Variants in GRM1 observed in about 807,000 individuals in gnomAD.
The protein encoded by GRM1 is glutamate metabotropic receptor 1.
A neutral mutation model predicts 90.9 loss-of-function variants in GRM1; 33 were observed. The ratio of observed to expected loss-of-function variants is 0.36; its 90% confidence interval spans 0.28 to 0.49. The LOEUF (loss-of-function observed/expected upper bound fraction) is 0.49, where lower values mean the gene tolerates loss of function less well. GRM1 is among the 20% of genes least tolerant of loss of function. The pLI, the probability that GRM1 is intolerant of heterozygous loss-of-function variation, is 0.99. For missense variants in GRM1, 1,190 were observed against 1,534.3 expected, an observed-to-expected ratio of 0.78 and a Z score of 3.75; for synonymous variants, 700 against 613.2, an observed-to-expected ratio of 1.14 and a Z score of -2.09.
At chr6:146,226,036 GA>G (rs1460259531) in intron 2 of GRM1, among the ~76,000 whole-genome samples, 2 of 152,076 alleles carry the variant, frequency 1.3e-5, no homozygotes, top group African/African-American at 4.8e-5. Context: ...AGATGAGTGT[GA>G]AAGAATGACT....
At chr6:146,222,148 T>G (rs1780083803) in intron 2 of GRM1, among the ~76,000 whole-genome samples, 1 of 152,178 alleles carries the variant, frequency 6.6e-6, no homozygotes, top group Admixed American at 6.6e-5. Flanking sequence ...AATGGCTGAA[T>G]GCAAAGGTAC....
intron 1 of GRM1, among the ~76,000 whole-genome samples, chr6:146,030,863 A>G (rs1246414234): frequency 1.3e-5 from 2 of 152,216 alleles, no homozygotes; most frequent in Non-Finnish European, 2.9e-5. Context: ...ATAGGCTAAA[A>G]TCATCCAGAT....
At chr6:146,043,136 A>C (rs534016332) in intron 1 of GRM1, among the ~76,000 whole-genome samples, 1 of 152,086 alleles carries the variant, frequency 6.6e-6, no homozygotes, top group African/African-American at 2.4e-5. Context: ...TCTAAAAAAA[A>C]AATTAAAAAA....
At chr6:146,392,469 C>G (rs1776762263) in intron 6 of GRM1, among the ~76,000 whole-genome samples, 3 of 152,154 alleles carry the variant, frequency 2.0e-5, no homozygotes, top group Admixed American at 2.0e-4. Context: ...AATATCTAAA[C>G]TCATGCAATC....
chr6:146,297,677 C>T (rs1372802866), intron 2 of GRM1, among the ~76,000 whole-genome samples: 1 of 152,098 alleles, frequency 6.6e-6, no homozygotes. Context: ...AGTTACTAAA[C>T]CATTGGATTC....
chr6:146,251,072 A>C (rs1350496597), intron 2 of GRM1, among the ~76,000 whole-genome samples: 1 of 152,214 alleles, frequency 6.6e-6, no homozygotes, highest in Admixed American at 6.5e-5. Flanking sequence ...AGGCTTACAC[A>C]TAAGGTCCTT....
At chr6:146,222,171 GT>G (rs1442940059) in intron 2 of GRM1, among the ~76,000 whole-genome samples, 1 of 152,100 alleles carries the variant, frequency 6.6e-6, no homozygotes, top group African/African-American at 2.4e-5. Context: ...TAAGTATTAT[GT>G]ACAATTGTAA....
At chr6:146,271,553 G>A (rs1453090923) in intron 2 of GRM1, among the ~76,000 whole-genome samples, 1 of 152,176 alleles carries the variant, frequency 6.6e-6, no homozygotes, top group Non-Finnish European at 1.5e-5. Flanking sequence ...CTGAGAGGTA[G>A]GTGGTCTTTT....
chr6:146,272,277 A>C (rs1005340681), intron 2 of GRM1, among the ~76,000 whole-genome samples: 4 of 152,348 alleles, frequency 2.6e-5, no homozygotes, highest in African/African-American at 4.8e-5. Flanking sequence ...TGAACATAAT[A>C]ATCTCCTAAT....
rs964220252 is a variant in GRM1 at position 146,437,076 on chromosome 6, G to A, written c.*2280G>A. The A allele has an allele frequency of 6.6e-6, 1 of 152,084 alleles. No individual in the cohort carries two copies. The highest frequency in any genetic ancestry group is 1.5e-5 in the Non-Finnish European group (1 of 68,002). 9.4% of individuals were successfully genotyped at this position (152,084 alleles called of 1,614,324 possible). A position where few individuals can be genotyped will look rare whatever the true frequency, so the allele number is the denominator to read the frequency against. Reference sequence around the variant, plus strand: ...TTTTCATTGTAAGAAAGCAGAGAGCGGAAAATCAATGGCTCCAGTGATTAA... The same window carrying A: ...TTTTCATTGTAAGAAAGCAGAGAGCAGAAAATCAATGGCTCCAGTGATTAA... On this transcript the variant is annotated 3_prime_UTR_variant, in exon 8 of 8. Coordinates refer to ENST00000282753, the MANE Select transcript of GRM1 (RefSeq NM_001278064.2).
chr6:146,258,337 A>T (rs551837019), intron 2 of GRM1, among the ~76,000 whole-genome samples: 2 of 152,254 alleles, frequency 1.3e-5, no homozygotes, highest in East Asian at 1.9e-4. Context: ...GATTTTAAAA[A>T]TCCTAAATGC....
At chr6:146,208,779 A>T (rs1039358182) in intron 2 of GRM1, among the ~76,000 whole-genome samples, 1 of 152,132 alleles carries the variant, frequency 6.6e-6, no homozygotes, top group African/African-American at 2.4e-5. Flanking sequence ...ATAATAATTC[A>T]TTTTGTGTTG....
At chr6:146,058,718 C>G (rs890110822) in intron 1 of GRM1, among the ~76,000 whole-genome samples, 78 of 152,246 alleles carry the variant, frequency 5.1e-4, no homozygotes, top group African/African-American at 1.7e-3. Flanking sequence ...AAATTGGAGT[C>G]AATCCTCTCA....
chr6:146,313,017 G>A (rs1783830202), intron 3 of GRM1, among the ~76,000 whole-genome samples: 1 of 152,124 alleles, frequency 6.6e-6, no homozygotes, highest in Non-Finnish European at 1.5e-5. Context: ...ATTGATGCAG[G>A]GGCATGAGTT....
chr6:146,266,632 C>T (rs190871645), intron 2 of GRM1, among the ~76,000 whole-genome samples: 2 of 152,328 alleles, frequency 1.3e-5, no homozygotes, highest in Non-Finnish European at 2.9e-5. Context: ...TAGTGAAGAA[C>T]CCTATAAATT....
intron 1 of GRM1, among the ~76,000 whole-genome samples, chr6:146,142,864 C>T (rs185148209): frequency 5.8e-4 from 88 of 152,270 alleles, no homozygotes; most frequent in African/African-American, 2.0e-3. Flanking sequence ...GGTAACCCCA[C>T]GAGCCTGCTT....
chr6:146,055,397 G>A (rs1267866672), intron 1 of GRM1, among the ~76,000 whole-genome samples: 1 of 151,864 alleles, frequency 6.6e-6, no homozygotes, highest in African/African-American at 2.4e-5. Context: ...TAATTTTTAG[G>A]AAAGCGTGCT....
At chr6:146,069,382 A>G (rs1775954543) in intron 1 of GRM1, among the ~76,000 whole-genome samples, 2 of 152,224 alleles carry the variant, frequency 1.3e-5, no homozygotes, top group South Asian at 4.1e-4. Context: ...AATCTTCTAA[A>G]GTAACTTTTA....
intron 2 of GRM1, among the ~76,000 whole-genome samples, chr6:146,173,710 A>C (rs1459858681): frequency 7.0e-6 from 1 of 142,748 alleles, no homozygotes; most frequent in African/African-American, 2.7e-5. Context: ...CCTGTTGCCC[A>C]GGCTGGAGTG....
Sources: allele counts gnomAD v4.1 joint callset (sites outside exome capture counted in the v4.1 genomes callset), GRCh38; gene constraint gnomAD v4.1.1; transcripts MANE v1.5; gene names NCBI Gene and HGNC (gene_info 2026-07-23, HGNC 2026-07-21).